Variants in ETS1 observed in about 807,000 individuals in gnomAD.
The protein encoded by ETS1 is ETS proto-oncogene 1, transcription factor.
A neutral mutation model predicts 58.6 loss-of-function variants in ETS1; 15 were observed. That is an observed-to-expected ratio of 0.26 (90% confidence interval 0.17 to 0.39). The LOEUF is 0.39. ETS1 is among the 10% of genes least tolerant of loss of function. The pLI is 1.00. For synonymous variants in ETS1, 214 were observed against 218.2 expected (o/e 0.98, Z 0.17); for missense variants, 417 against 610.5 (o/e 0.68, Z 3.34).
intron 3 of ETS1, among the ~76,000 whole-genome samples, chr11:128,516,863 T>G (rs2135510376): frequency 6.6e-6 from 1 of 152,326 alleles, no homozygotes; most frequent in East Asian, 1.9e-4. Context: ...CCAAGCTATG[T>G]CTCATCATCC....
intron 8 of ETS1, among the ~76,000 whole-genome samples, chr11:128,470,601 A>G (rs1862161539): frequency 6.6e-6 from 1 of 152,204 alleles, no homozygotes; most frequent in Admixed American, 6.5e-5. Context: ...GCAACTGAAT[A>G]TACAATAATG....
intron 8 of ETS1, among the ~76,000 whole-genome samples, chr11:128,475,012 T>C (rs974326581): frequency 1.3e-5 from 2 of 152,278 alleles, no homozygotes; most frequent in African/African-American, 4.8e-5. Context: ...CAATTCACAC[T>C]GTCTTACACA....
At chr11:128,491,949 T>C (rs929465456) in intron 3 of ETS1, among the ~76,000 whole-genome samples, 1 of 152,232 alleles carries the variant, frequency 6.6e-6, no homozygotes, top group Non-Finnish European at 1.5e-5. Context: ...GCAGACCATG[T>C]TCACGATGTT....
At chr11:128,581,791 A>G (rs1286755495) in intron 1 of ETS1, among the ~76,000 whole-genome samples, 1 of 152,230 alleles carries the variant, frequency 6.6e-6, no homozygotes, top group Non-Finnish European at 1.5e-5. Flanking sequence ...CATGTCAGAC[A>G]TAATCTAGAG....
At chr11:128,505,873 C>T (rs933262472) in intron 3 of ETS1, among the ~76,000 whole-genome samples, 3 of 152,178 alleles carry the variant, frequency 2.0e-5, no homozygotes, top group Admixed American at 1.3e-4. Flanking sequence ...CCAAGCTCCC[C>T]GGACTGAACT....
chr11:128,573,313 C>T (rs1001577308), intron 1 of ETS1, among the ~76,000 whole-genome samples, 169 bp from the exon 2 acceptor site: 1 of 152,172 alleles, frequency 6.6e-6, no homozygotes, highest in Non-Finnish European at 1.5e-5. Flanking sequence ...CAGTGACTAA[C>T]CCCCAGCACC....
At chr11:128,500,632 T>G (rs1291591575) in intron 3 of ETS1, among the ~76,000 whole-genome samples, 1 of 152,176 alleles carries the variant, frequency 6.6e-6, no homozygotes, top group African/African-American at 2.4e-5. Context: ...GGAAAAAGCA[T>G]ACTCATACAC....
At chr11:128,587,058 A>G (rs1399640642) in intron 1 of ETS1, among the ~76,000 whole-genome samples, 10 of 152,124 alleles carry the variant, frequency 6.6e-5, no homozygotes, top group Non-Finnish European at 8.8e-5. Flanking sequence ...AATTCATTAA[A>G]CTACTAGCAG....
intron 7 of ETS1, among the ~76,000 whole-genome samples, chr11:128,484,255 A>T (rs1304235410): frequency 6.6e-6 from 1 of 152,162 alleles, no homozygotes; most frequent in East Asian, 1.9e-4. Flanking sequence ...TACACACTTC[A>T]CCACACTGCT....
At chr11:128,561,665 A>T (rs575320182) in intron 2 of ETS1, among the ~76,000 whole-genome samples, 11 of 152,314 alleles carry the variant, frequency 7.2e-5, no homozygotes, top group African/African-American at 2.4e-4. Context: ...GTCATAGGAG[A>T]TGAAGAGAGG....
Position 128,459,952 on chromosome 11 carries a change from C to G in ETS1, c.*2409G>C, listed in dbSNP as rs1162869259. On this transcript the variant is annotated 3_prime_UTR_variant, in exon 10 of 10. Transcript: ENST00000392668. ...GAGAAAGTGATTTTATGCCTGGTTG[C>G]AAACAGCAAGCAATAATTGATACCC... 1 of 152,276 alleles carries G rather than the reference C, an allele frequency of 6.6e-6. No individual in the cohort carries two copies. The highest frequency in any genetic ancestry group is 2.4e-5 in the African/African-American group (1 of 41,406). 9.4% of individuals were successfully genotyped at this position (152,276 alleles called of 1,614,324 possible). A position where few individuals can be genotyped will look rare whatever the true frequency, so the allele number is the denominator to read the frequency against.
chr11:128,554,732 T>C (rs1427759907), intron 3 of ETS1, among the ~76,000 whole-genome samples: 2 of 151,990 alleles, frequency 1.3e-5, no homozygotes, highest in Non-Finnish European at 2.9e-5. Context: ...CTGCAAGTGT[T>C]AAAGCAAGGC....
chr11:128,490,506 A>G lies in ETS1; in HGVS notation c.285T>C (p.Ala95=), dbSNP rs1343393655. 9 of 1,613,594 alleles carry G rather than the reference A, an allele frequency of 5.6e-6. No individual in the cohort carries two copies. Among genetic ancestry groups the G allele is most frequent in the Non-Finnish European group, 6.8e-6 (8 of 1,179,470 alleles). Residue 95 remains alanine (A), a synonymous_variant, in exon 4 of 10, where the codon GCT becomes GCC. Transcript: ENST00000392668. The part of the protein sequence containing the change: ...SKEMMSQALK[A]TFSGFTKEQQ... ...GTTCTTTAGTGAAACCACTGAAAGT[A>G]GCTTTTAATGCTTGAGACATCATTT...
Position 128,480,336 on chromosome 11 carries a change from G to C in ETS1, c.978C>G (p.Ser326=). 1 of 1,614,164 alleles carries C rather than the reference G, an allele frequency of 6.2e-7. No homozygotes were observed. The highest frequency in any genetic ancestry group is 8.5e-7 in the Non-Finnish European group (1 of 1,180,036). ...AGTCCTCTGAGTCGAAGCTGTCATA[G>C]GAGGGAACACGCTGCAGGCTGTTGA... is the stretch of plus-strand genomic sequence containing the variant. The part of the protein sequence containing the change: ...SSFNSLQRVP[S]YDSFDSEDYP... Residue 326 remains serine (S), a synonymous_variant, in exon 8 of 10, where the codon TCC becomes TCG. Transcript: ENST00000392668.
At chr11:128,521,785 C>T in intron 3 of ETS1, 1 of 673,108 alleles carries the variant, frequency 1.5e-6, no homozygotes, top group Non-Finnish European at 2.4e-6. Context: ...GATCCAGCTG[C>T]CAACAGCATC....
chr11:128,534,987 T>C lies in ETS1; in HGVS notation c.214+21304A>G, dbSNP rs143754456. ...CAAATGGTATTTCTGGTTCTTGATC[T>C]TTGAGGAATTGCCACATTGTCTTCC... On this transcript the variant is annotated intron_variant, in intron 3 of 9. Transcript: ENST00000392668. Among the ~76,000 whole-genome samples, 28 of 152,360 alleles carry C rather than the reference T, an allele frequency of 1.8e-4. No individual in the cohort carries two copies. The East Asian group carries it at 5.4e-3, about 29-fold the overall frequency.
At chr11:128,485,957 G>C in intron 6 of ETS1, 112 bp downstream of exon 6, 1 of 692,792 alleles carries the variant, frequency 1.4e-6, no homozygotes, top group Non-Finnish European at 2.6e-6. Context: ...CTACATCTAA[G>C]AAGATATTAT....
At chr11:128,509,168 C>T (rs909364039) in intron 3 of ETS1, among the ~76,000 whole-genome samples, 5 of 152,164 alleles carry the variant, frequency 3.3e-5, no homozygotes, top group African/African-American at 1.2e-4. Context: ...GGGTGGAAGG[C>T]ATGGAAAAGC....
chr11:128,531,369 TA>T (rs1254000722), intron 3 of ETS1, among the ~76,000 whole-genome samples: 1 of 152,246 alleles, frequency 6.6e-6, no homozygotes, highest in African/African-American at 2.4e-5. Context: ...GAAGACTCAG[TA>T]ACCCTTCACT....
Sources: allele counts gnomAD v4.1 joint callset (sites outside exome capture counted in the v4.1 genomes callset), GRCh38; gene constraint gnomAD v4.1.1; transcripts MANE v1.5; gene names NCBI Gene and HGNC (gene_info 2026-07-23, HGNC 2026-07-21).